TANC2: variants seen among roughly 807,000 people sequenced by gnomAD.
TANC2 encodes the protein protein TANC2.
Under a neutral mutation model 210.5 loss-of-function variants are expected in TANC2, and 26 were observed. The observed-to-expected ratio is 0.12, with a 90% CI of 0.09 to 0.17. The LOEUF (loss-of-function observed/expected upper bound fraction) is 0.17. Among genes scored for constraint, TANC2 ranks in the 10% least tolerant of loss-of-function variants. TANC2 has a pLI of 1.00. For synonymous variants in TANC2, 931 were observed against 967.1 expected (o/e 0.96, Z 0.69); for missense variants, 2,129 against 2,608.9 (o/e 0.82, Z 4.01).
At chr17:63,072,388 T>C (rs936109480) in intron 2 of TANC2, among the ~76,000 whole-genome samples, 6 of 152,122 alleles carry the variant, frequency 3.9e-5, no homozygotes, top group Non-Finnish European at 8.8e-5. Context: ...TCAGAGATGA[T>C]AATCCATGAG....
chr17:63,242,091 C>A lies in TANC2; in HGVS notation c.1033+4014C>A, dbSNP rs148163373. Among the ~76,000 whole-genome samples, 46 of 152,222 alleles carry A rather than the reference C, an allele frequency of 3.0e-4. No homozygotes were observed. In the East Asian group the frequency reaches 8.9e-3, roughly 29 times the overall value. On this transcript the variant is annotated intron_variant, in intron 8 of 27. Transcript: ENST00000689528. The stretch of plus-strand genomic sequence containing the variant: ...GGAGAAGTCTCTTAATATATTCGTT[C>A]TCATTTTCTCTTGACTTCTTTTTAG...
Position 63,421,980 on chromosome 17 carries a change from C to T in TANC2, c.*25C>T, listed in dbSNP as rs768388546. The stretch of plus-strand genomic sequence containing the variant: ...AAAGACGTTTTGTTGGAGTGAGACC[C>T]ATATGTTTTCACTGCACATTTTCAG... On this transcript the variant is annotated 3_prime_UTR_variant, in exon 28 of 28. Coordinates refer to ENST00000689528, the Ensembl canonical transcript of TANC2. The surrounding 1 kb of genome is among the most constrained non-coding windows in gnomAD (Gnocchi z 6.9). The T allele has an allele frequency of 6.4e-7, 1 of 1,562,400 alleles. No individual in the cohort carries two copies. Among genetic ancestry groups the T allele is most frequent in the South Asian group, 1.2e-5 (1 of 81,302 alleles).
intron 5 of TANC2, among the ~76,000 whole-genome samples, chr17:63,164,880 A>G (rs537023962): frequency 1.8e-4 from 27 of 152,312 alleles, no homozygotes; most frequent in African/African-American, 5.8e-4. Context: ...TACTTGGTCT[A>G]CCAACTTAAA....
chr17:63,034,276 G>A (rs2034887224), intron 2 of TANC2, among the ~76,000 whole-genome samples: 1 of 152,166 alleles, frequency 6.6e-6, no homozygotes, highest in Admixed American at 6.6e-5. Flanking sequence ...CCTAAAGAAT[G>A]ATGCTAAATA....
intron 4 of TANC2, among the ~76,000 whole-genome samples, chr17:63,124,201 G>A (rs2038613321): frequency 6.6e-6 from 1 of 151,864 alleles, no homozygotes; most frequent in Admixed American, 6.6e-5. Context: ...AGAGATCAGA[G>A]CTCCAACTTA....
chr17:63,119,889 A>C (rs1195978120), intron 4 of TANC2, among the ~76,000 whole-genome samples: 1 of 151,944 alleles, frequency 6.6e-6, no homozygotes, highest in African/African-American at 2.4e-5. Flanking sequence ...GCATGATTGC[A>C]CATGCCTCTG....
Position 63,420,670 on chromosome 17 carries a change from G to T in TANC2, c.4940G>T (p.Arg1647Leu), listed in dbSNP as rs758597698. 6.2e-7 allele frequency: 1 copy of T among 1,613,642 alleles called. No homozygotes were observed. The highest frequency in any genetic ancestry group is 1.3e-5 in the African/African-American group (1 of 75,018). Residue 1647 changes from arginine to leucine, a missense_variant, in exon 28 of 28, where the codon CGC becomes CTC. Arg to Leu is a moderately radical substitution (Grantham distance 102). Around this residue, in one of 5 missense-constraint regions of TANC2, gnomAD observed 584 missense variants for 627.3 expected, o/e 0.93. Transcript: ENST00000689528. This position sits in a 1 kb window ranked among gnomAD's most constrained non-coding sequence, Gnocchi z 4.2. ...AGATCCCAGTCTGGTTCACCCGTGC[G>T]CTATCAGCAGGAAACAAGCGTCAGT... is the stretch of plus-strand genomic sequence containing the variant.
chr17:63,315,020 T>C (rs2045271524), intron 10 of TANC2, among the ~76,000 whole-genome samples: 1 of 152,116 alleles, frequency 6.6e-6, no homozygotes, highest in South Asian at 2.1e-4. Context: ...TGCCCAGTTC[T>C]TCTTCTTATT....
At position 63,420,826 on chromosome 17, in the gene TANC2, G is replaced by T; in HGVS notation, c.5096G>T (p.Ser1699Ile). 6.2e-7 allele frequency: 1 copy of T among 1,613,990 alleles called. No homozygotes were observed. The highest frequency in any genetic ancestry group is 8.5e-7 in the Non-Finnish European group (1 of 1,179,878). Residue 1699 changes from serine (S) to isoleucine (I), a missense_variant, in exon 28 of 28, where the codon AGT becomes ATT. By Grantham distance (142) the Ser-to-Ile change is moderately radical. Around this residue, in one of 5 missense-constraint regions of TANC2, gnomAD observed 584 missense variants for 627.3 expected, o/e 0.93. Coordinates refer to ENST00000689528, the Ensembl canonical transcript of TANC2. The surrounding 1 kb of genome is among the most constrained non-coding windows in gnomAD (Gnocchi z 4.2). ...CCTGCCAAGGCCCAGATTGTGAGAAGTAACCAGCCCAGCCCAGCCGTCCAT... is the reference window on the plus strand; with the variant it reads ...CCTGCCAAGGCCCAGATTGTGAGAATTAACCAGCCCAGCCCAGCCGTCCAT...
chr17:62,978,316 A>G lies in TANC2; in HGVS notation c.-24+11567A>G, dbSNP rs1292377891. ...TAACACATTCTGAGATAAAAACTAC[A>G]TGATTATTTCTCTTTTTTTGGGGAG... On this transcript the variant is annotated intron_variant, in intron 1 of 27. Coordinates refer to ENST00000689528, the Ensembl canonical transcript of TANC2. Among the ~76,000 whole-genome samples, 4 of 152,214 alleles carry G rather than the reference A, an allele frequency of 2.6e-5. No homozygotes were observed. In the East Asian group the frequency reaches 7.7e-4, roughly 29 times the overall value.
intron 2 of TANC2, among the ~76,000 whole-genome samples, chr17:63,050,760 A>G (rs2035554834): frequency 2.0e-5 from 3 of 152,220 alleles, no homozygotes; most frequent in Admixed American, 2.0e-4. Flanking sequence ...TTAACAATGG[A>G]CTTTATAAGA....
exon 14 of TANC2, chr17:63,355,219 G>T (rs370145697): frequency 3.1e-6 from 5 of 1,613,424 alleles, no homozygotes; most frequent in Non-Finnish European, 4.2e-6. Context: ...ATCAATGCTG[G>T]GAGCATTGAA....
At chr17:63,402,898 T>C (rs1052957258) in intron 19 of TANC2, among the ~76,000 whole-genome samples, 2 of 152,238 alleles carry the variant, frequency 1.3e-5, no homozygotes, top group Non-Finnish European at 2.9e-5. Flanking sequence ...TCCTTGCTCT[T>C]GGATTTTGAA....
At chr17:63,326,049 G>A (rs183859134) in intron 11 of TANC2, among the ~76,000 whole-genome samples, 72 of 152,304 alleles carry the variant, frequency 4.7e-4, no homozygotes, top group African/African-American at 1.7e-3. Flanking sequence ...GGATACAGCT[G>A]TTTAGATCTA....
intron 9 of TANC2, among the ~76,000 whole-genome samples, chr17:63,294,204 G>A (rs1348937847): frequency 1.3e-5 from 2 of 152,174 alleles, no homozygotes; most frequent in Non-Finnish European, 2.9e-5. Flanking sequence ...TAGGCCAGGC[G>A]TGTTGGCTCA....
At chr17:63,098,515 G>GTATATATATATA (rs373665673) in intron 3 of TANC2, among the ~76,000 whole-genome samples, 54 of 126,730 alleles carry the variant, frequency 4.3e-4, no homozygotes, top group South Asian at 8.0e-4. Context: ...CTCTCTGTGT[G>GTATATATATATA]TATATATATA....
intron 9 of TANC2, among the ~76,000 whole-genome samples, chr17:63,308,692 A>G (rs1176362058): frequency 1.3e-5 from 2 of 152,232 alleles, no homozygotes; most frequent in Admixed American, 1.3e-4. Context: ...TAGCCAGGAC[A>G]TATATGCTTG....
At chr17:63,358,376 A>AGAAT (rs1470682571) in intron 14 of TANC2, among the ~76,000 whole-genome samples, 3 of 80,942 alleles carry the variant, frequency 3.7e-5, no homozygotes, top group Non-Finnish European at 9.0e-5. Context: ...AGAGAGAGAG[A>AGAAT]GTATGTGTGT....
At chr17:63,317,646 A>C (rs191062042) in intron 10 of TANC2, among the ~76,000 whole-genome samples, 3 of 152,362 alleles carry the variant, frequency 2.0e-5, no homozygotes, top group Admixed American at 2.0e-4. Context: ...AACAGCTGCC[A>C]AGCCCCCAAA....
Sources: gnomAD v4.1 joint callset for allele counts (sites outside exome capture counted in the v4.1 genomes callset) on GRCh38, gnomAD v4.1.1 for gene constraint, gnomAD v4.1.1 regional missense constraint, Gnocchi (gnomAD v3.1) non-coding constraint, MANE v1.5 for transcripts, NCBI Gene and HGNC (gene_info 2026-07-23, HGNC 2026-07-21) for gene names.